SOX6: variants seen among roughly 807,000 people sequenced by gnomAD.
The protein encoded by SOX6 is transcription factor SOX-6.
In SOX6, 11 loss-of-function variants were observed where a neutral mutation model predicts 97.8. The observed-to-expected ratio is 0.11, with a 90% CI of 0.07 to 0.19. The LOEUF (loss-of-function observed/expected upper bound fraction) is 0.19. Ranked by LOEUF, SOX6 falls within the 10% of genes least tolerant of loss-of-function variation. The probability of loss-of-function intolerance (pLI) is 1.00; values close to 1 mark genes in which losing one functional copy is unlikely to be tolerated. For synonymous variants in SOX6, 360 were observed against 371.4 expected, an observed-to-expected ratio of 0.97 and a Z score of 0.35; for missense variants, 810 against 1,039.5, an observed-to-expected ratio of 0.78 and a Z score of 3.04.
At chr11:16,099,897 A>G (rs1211258366) in intron 7 of SOX6, among the ~76,000 whole-genome samples, 5 of 151,800 alleles carry the variant, frequency 3.3e-5, no homozygotes, top group Admixed American at 3.3e-4. Context: ...AATCTTTAGA[A>G]AGCTATTTCT....
In SOX6 at chr11:16,218,503, C is replaced by T. The variant is rs1852437647; in HGVS notation, c.535+16079G>A. The stretch of plus-strand genomic sequence containing the variant: ...TTTAATCAGACAACTTGCATTTTGC[C>T]CTGGCTAATTTTGAAGGCTGATAAT... On this transcript the variant is annotated intron_variant, in intron 4 of 15. Transcript: ENST00000683767. 2.0e-5 allele frequency among the ~76,000 whole-genome samples: 3 copies of T among 151,892 alleles called. No individual in the cohort carries two copies. In the South Asian group the frequency reaches 6.2e-4, roughly 32 times the overall value.
At chr11:16,204,721 T>A (rs1351300694) in intron 4 of SOX6, among the ~76,000 whole-genome samples, 2 of 152,126 alleles carry the variant, frequency 1.3e-5, no homozygotes, top group Non-Finnish European at 2.9e-5. Flanking sequence ...AATTGAATTG[T>A]CTTTTTAAGA....
At chr11:16,027,411 G>A (rs879562490) in intron 12 of SOX6, among the ~76,000 whole-genome samples, 5 of 152,040 alleles carry the variant, frequency 3.3e-5, no homozygotes, top group Admixed American at 2.0e-4. Context: ...CTGAAAATCA[G>A]GCAGCTATAT....
At chr11:16,256,522 C>T (rs770780808) in intron 3 of SOX6, among the ~76,000 whole-genome samples, 11 of 151,764 alleles carry the variant, frequency 7.2e-5, no homozygotes, top group Non-Finnish European at 1.0e-4. Context: ...TAAAAAAGAA[C>T]TCTCAGCAAG....
chr11:16,537,873 G>A (rs1411394303), intron 4 of SOX6, among the ~76,000 whole-genome samples: 2 of 152,180 alleles, frequency 1.3e-5, no homozygotes, highest in East Asian at 3.8e-4. Context: ...AAGTGATGGG[G>A]AGAATGGTAC....
chr11:16,451,029 T>G (rs1859705658), intron 1 of SOX6, among the ~76,000 whole-genome samples: 1 of 152,072 alleles, frequency 6.6e-6, no homozygotes, highest in African/African-American at 2.4e-5. Flanking sequence ...AACCTAGCAG[T>G]TGACCAGCGT....
At chr11:16,247,716 G>A (rs932001953) in intron 3 of SOX6, among the ~76,000 whole-genome samples, 3 of 152,064 alleles carry the variant, frequency 2.0e-5, no homozygotes, top group African/African-American at 7.2e-5. Context: ...ATGACACATG[G>A]GGACTATAAG....
intron 3 of SOX6, among the ~76,000 whole-genome samples, chr11:16,689,604 G>C (rs1847997183): frequency 6.6e-6 from 1 of 152,152 alleles, no homozygotes; most frequent in Non-Finnish European, 1.5e-5. Flanking sequence ...AGTAGTCCTA[G>C]CAGCATGCTT....
At chr11:16,267,850 G>T (rs1164981156) in intron 3 of SOX6, among the ~76,000 whole-genome samples, 1 of 151,500 alleles carries the variant, frequency 6.6e-6, no homozygotes, top group African/African-American at 2.4e-5. Flanking sequence ...GTACACAAAA[G>T]AATACTATTC....
At chr11:16,097,568 G>A in intron 8 of SOX6, 41 bp downstream of exon 8, 1 of 1,559,444 alleles carries the variant, frequency 6.4e-7, no homozygotes, top group Non-Finnish European at 8.8e-7. Flanking sequence ...TTCCACTAAA[G>A]TACTGGCTCA....
At chr11:16,348,395 C>T (rs995425235) in intron 1 of SOX6, among the ~76,000 whole-genome samples, 8 of 152,180 alleles carry the variant, frequency 5.3e-5, no homozygotes, top group Non-Finnish European at 1.2e-4. Context: ...AACATAATTA[C>T]CATGAAGAAA....
chr11:16,548,461 A>G (rs1414209397), intron 4 of SOX6, among the ~76,000 whole-genome samples: 3 of 152,154 alleles, frequency 2.0e-5, no homozygotes, highest in Non-Finnish European at 4.4e-5. Flanking sequence ...CCCCTTCCAT[A>G]AAAATGAAGC....
At chr11:15,982,251 G>T (rs1470959936) in intron 15 of SOX6, among the ~76,000 whole-genome samples, 4 of 151,984 alleles carry the variant, frequency 2.6e-5, no homozygotes, top group African/African-American at 4.8e-5. Flanking sequence ...TACTAGCTGT[G>T]TGGCCCTACA....
chr11:16,237,509 G>C (rs1161370352), intron 3 of SOX6, among the ~76,000 whole-genome samples: 1 of 151,990 alleles, frequency 6.6e-6, no homozygotes, highest in East Asian at 1.9e-4. Context: ...TGGGACATTA[G>C]TATTACAGAG....
At chr11:16,484,527 ACACATGGG>A (rs1860398416) in intron 4 of SOX6, 9 of 787,054 alleles carry the variant, frequency 1.1e-5, no homozygotes, top group Non-Finnish European at 2.1e-5. Context: ...TCATTCTGGT[ACACATGGG>A]CACAGTCGAG....
chr11:16,054,301 A>C (rs1430193352), intron 10 of SOX6, among the ~76,000 whole-genome samples: 1 of 151,584 alleles, frequency 6.6e-6, no homozygotes, highest in African/African-American at 2.4e-5. Context: ...ACGAGTAAGC[A>C]AAGTGTCTTT....
chr11:16,425,372 T>C (rs564796365), intron 1 of SOX6, among the ~76,000 whole-genome samples: 4 of 152,236 alleles, frequency 2.6e-5, no homozygotes, highest in Non-Finnish European at 4.4e-5. Flanking sequence ...ACTGTTCTAG[T>C]TGCTGAGGAT....
chr11:16,392,566 C>G (rs1858216682), intron 1 of SOX6, among the ~76,000 whole-genome samples: 1 of 152,012 alleles, frequency 6.6e-6, no homozygotes, highest in Admixed American at 6.6e-5. Flanking sequence ...CTTTTAAAAC[C>G]TGTTCTTCCA....
At chr11:16,126,079 T>A (rs1327476863) in intron 6 of SOX6, among the ~76,000 whole-genome samples, 1 of 152,102 alleles carries the variant, frequency 6.6e-6, no homozygotes, top group East Asian at 1.9e-4. Context: ...GCACTTGTAG[T>A]CACAATACCC....
Sources: gnomAD v4.1 joint callset for allele counts (sites outside exome capture counted in the v4.1 genomes callset) on GRCh38, gnomAD v4.1.1 for gene constraint, MANE v1.5 for transcripts, NCBI Gene and HGNC (gene_info 2026-07-23, HGNC 2026-07-21) for gene names.